Variants in LRPPRC observed in about 807,000 individuals in gnomAD.
The protein encoded by LRPPRC is leucine-rich PPR motif-containing protein, mitochondrial.
In LRPPRC, 120 loss-of-function variants were observed where a neutral mutation model predicts 180.3. The ratio of observed to expected loss-of-function variants is 0.67; its 90% confidence interval spans 0.57 to 0.77. The LOEUF (loss-of-function observed/expected upper bound fraction) is 0.77, where lower values mean the gene tolerates loss of function less well. Ranked by LOEUF, LRPPRC falls within the 30% of genes least tolerant of loss-of-function variation. LRPPRC has a pLI of 0.00. For synonymous variants in LRPPRC, 723 were observed against 600.0 expected, an observed-to-expected ratio of 1.21 and a Z score of -3.00; for missense variants, 2,012 against 1,657.2, an observed-to-expected ratio of 1.21 and a Z score of -3.72.
At chr2:43,989,623 C>A (rs1228026819) in intron 1 of LRPPRC, among the ~76,000 whole-genome samples, 1 of 152,208 alleles carries the variant, frequency 6.6e-6, no homozygotes, top group Non-Finnish European at 1.5e-5. Context: ...TAAGTAATCC[C>A]TTCACCATCT....
chr2:43,978,756 T>C (rs1030686742), intron 3 of LRPPRC, among the ~76,000 whole-genome samples: 1 of 152,114 alleles, frequency 6.6e-6, no homozygotes, highest in African/African-American at 2.4e-5. Context: ...TCCTGTAGTT[T>C]TTTTCACATA....
intron 27 of LRPPRC, among the ~76,000 whole-genome samples, chr2:43,918,951 T>G (rs1346809764): frequency 6.6e-6 from 1 of 151,966 alleles, no homozygotes; most frequent in Non-Finnish European, 1.5e-5. Flanking sequence ...TGTGATTGTA[T>G]GCAGTGCATA....
chr2:43,889,908 G>A, intron 36 of LRPPRC, 32 bp from the exon 37 acceptor site: 2 of 1,531,042 alleles, frequency 1.3e-6, no homozygotes, highest in Non-Finnish European at 1.8e-6. Context: ...ATTAATCAGA[G>A]ATAAAGACAA....
At chr2:43,949,492 A>C in intron 16 of LRPPRC, 110 bp downstream of exon 16, 3 of 790,162 alleles carry the variant, frequency 3.8e-6, no homozygotes, top group African/African-American at 1.7e-5. Flanking sequence ...AAATGTTTTC[A>C]AATTCCACTT....
At chr2:43,994,957 C>G (rs534703815) in intron 1 of LRPPRC, among the ~76,000 whole-genome samples, 1 of 152,322 alleles carries the variant, frequency 6.6e-6, no homozygotes, top group South Asian at 2.1e-4. Flanking sequence ...AAGACACTTA[C>G]AGGACGGGAG....
chr2:43,963,512 T>C, intron 12 of LRPPRC, 76 bp downstream of exon 12: 1 of 941,392 alleles, frequency 1.1e-6, no homozygotes, highest in Non-Finnish European at 1.8e-6. Flanking sequence ...AATGACTTTT[T>C]TGTGTGTCAA....
intron 1 of LRPPRC, among the ~76,000 whole-genome samples, chr2:43,982,903 G>C (rs1213228851): frequency 6.7e-6 from 1 of 150,260 alleles, no homozygotes; most frequent in Non-Finnish European, 1.5e-5. Context: ...TTTAAAAGAA[G>C]ACCAATGTCC....
At chr2:43,888,680 A>AAGTT (rs769853235) in intron 37 of LRPPRC, 24 bp from the exon 38 acceptor site, 1 of 1,382,216 alleles carries the variant, frequency 7.2e-7, no homozygotes, top group Non-Finnish European at 1.0e-6. Context: ...AAAAAGAGGG[A>AAGTT]AGTTAGAGAT....
intron 23 of LRPPRC, among the ~76,000 whole-genome samples, chr2:43,939,843 A>C (rs775895342): frequency 2.6e-5 from 4 of 152,206 alleles, no homozygotes; most frequent in Non-Finnish European, 5.9e-5. Flanking sequence ...TTCACATGTC[A>C]AGTGCTTTCC....
intron 35 of LRPPRC, chr2:43,896,222 C>CT (rs1001509187): frequency 0.012 from 829 of 69,788 alleles, 14 homozygotes; most frequent in Middle Eastern, 0.021. Flanking sequence ...TTCTTTCTTT[C>CT]TTTTTTTTTT....
intron 27 of LRPPRC, among the ~76,000 whole-genome samples, chr2:43,924,387 A>C (rs1168682950): frequency 6.6e-6 from 1 of 152,200 alleles, no homozygotes; most frequent in Non-Finnish European, 1.5e-5. Flanking sequence ...ACAAATACTA[A>C]GATTTCAGCC....
At chr2:43,944,051 T>G (rs1357763162) in intron 22 of LRPPRC, among the ~76,000 whole-genome samples, 157 bp from the exon 23 acceptor site, 2 of 152,116 alleles carry the variant, frequency 1.3e-5, no homozygotes, top group Non-Finnish European at 2.9e-5. Context: ...GAGACTACAA[T>G]TATAAATCCA....
intron 37 of LRPPRC, 95 bp from the exon 38 acceptor site, chr2:43,888,751 A>G (rs959148234): frequency 4.1e-6 from 3 of 730,348 alleles, no homozygotes; most frequent in African/African-American, 3.5e-5. Flanking sequence ...ACTGGTAGCT[A>G]AGACTGCCAG....
chr2:43,974,042 T>G, intron 9 of LRPPRC, 108 bp downstream of exon 9: 1 of 1,260,254 alleles, frequency 7.9e-7, no homozygotes, highest in East Asian at 2.3e-5. Context: ...CACAAGAACA[T>G]TGTTATGATG....
intron 23 of LRPPRC, among the ~76,000 whole-genome samples, chr2:43,942,942 A>G (rs1672537450): frequency 6.6e-6 from 1 of 152,050 alleles, no homozygotes; most frequent in South Asian, 2.1e-4. Flanking sequence ...TGTTTAAACT[A>G]ATTTGCCAGT....
At chr2:43,983,162 G>C (rs767242229) in intron 1 of LRPPRC, among the ~76,000 whole-genome samples, 1 of 152,048 alleles carries the variant, frequency 6.6e-6, no homozygotes, top group Non-Finnish European at 1.5e-5. Flanking sequence ...TTACAAATTA[G>C]GTATGGTCAG....
chr2:43,905,642 A>G lies in LRPPRC; in HGVS notation c.3364+50T>C, dbSNP rs746299969. ...AAGTATTCGAAGGGCGTTACAAGAA[A>G]AATCTGCAGAGGCATTAATGTGACG... is the stretch of plus-strand genomic sequence containing the variant. On this transcript the variant is annotated intron_variant, in intron 31 of 37. Transcript: ENST00000260665. 4.5e-6 allele frequency: 6 copies of G among 1,333,424 alleles called. No individual in the cohort carries two copies. The East Asian group carries it at 1.1e-4, about 25-fold the overall frequency. The allele number at this position is 1,333,424 out of a possible 1,614,324, so 82.6% of individuals were successfully genotyped here.
chr2:43,984,942 T>C (rs1014748519), intron 1 of LRPPRC, among the ~76,000 whole-genome samples: 2 of 152,136 alleles, frequency 1.3e-5, no homozygotes, highest in Non-Finnish European at 2.9e-5. Context: ...TACCCATAAA[T>C]GTTTTCTTGT....
chr2:43,969,182 G>A (rs968451465), intron 11 of LRPPRC, among the ~76,000 whole-genome samples: 2 of 152,166 alleles, frequency 1.3e-5, no homozygotes, highest in Non-Finnish European at 2.9e-5. Context: ...GGAGGCCGAG[G>A]CGGGTGGATC....
Sources: gnomAD v4.1 joint callset for allele counts (sites outside exome capture counted in the v4.1 genomes callset) on GRCh38, gnomAD v4.1.1 for gene constraint, MANE v1.5 for transcripts, NCBI Gene and HGNC (gene_info 2026-07-23, HGNC 2026-07-21) for gene names.